Variants in KIF22 observed in about 807,000 individuals in gnomAD.
KIF22 encodes kinesin family member 22, also known as kinesin-like protein KIF22.
Under a neutral mutation model 73.0 loss-of-function variants are expected in KIF22, and 62 were observed. The ratio of observed to expected loss-of-function variants is 0.85; its 90% confidence interval spans 0.69 to 1.05. KIF22 has a LOEUF of 1.05. Ranked by LOEUF, KIF22 falls within the 50% of genes least tolerant of loss-of-function variation. The pLI is 0.00. For missense variants in KIF22, 854 were observed against 870.1 expected (o/e 0.98, Z 0.23); for synonymous variants, 411 against 340.1 (o/e 1.21, Z -2.29).
At chr16:29,791,203 G>A (rs2142362859) in intron 1 of KIF22, 1 of 1,097,466 alleles carries the variant, frequency 9.1e-7, no homozygotes, top group African/African-American at 1.7e-5. Context: ...CCACGAGGAC[G>A]AGAAGAAGGG....
chr16:29,800,088 A>G (rs760312947), intron 8 of KIF22, 40 bp downstream of exon 8: 1 of 1,577,656 alleles, frequency 6.3e-7, no homozygotes, highest in Non-Finnish European at 8.6e-7. Context: ...TTCCTGATGT[A>G]TGGCTTAGCA....
At chr16:29,803,392 C>T in intron 9 of KIF22, 57 bp from the exon 10 acceptor site, 4 of 1,601,550 alleles carry the variant, frequency 2.5e-6, no homozygotes, top group Non-Finnish European at 3.4e-6. Flanking sequence ...TAACCCACTC[C>T]CTTCAGGCTG....
chr16:29,791,748 T>G (rs1343048646), intron 1 of KIF22, among the ~76,000 whole-genome samples: 1 of 152,236 alleles, frequency 6.6e-6, no homozygotes, highest in Non-Finnish European at 1.5e-5. Context: ...TTAACACAAC[T>G]AGTAAATATT....
Position 29,798,258 on chromosome 16 carries a change from C to T in KIF22, c.267-116C>T, listed in dbSNP as rs2142371731. ...AGGGGATAGAGACGTTCTCTTAAAT[C>T]CAAGGTCCAGATGAGAGTAGAATCC... On this transcript the variant is annotated intron_variant, in intron 2 of 13. Coordinates refer to ENST00000160827, the MANE Select transcript of KIF22 (RefSeq NM_007317.3). This position sits in a 1 kb window ranked among gnomAD's most constrained non-coding sequence, Gnocchi z 4.1. 1 of 1,502,312 alleles carries T rather than the reference C, an allele frequency of 6.7e-7. No individual in the cohort carries two copies. Among genetic ancestry groups the T allele is most frequent in the Non-Finnish European group, 8.8e-7 (1 of 1,132,208 alleles). 93.1% of individuals were successfully genotyped at this position (1,502,312 alleles called of 1,614,324 possible).
rs766609372 is a variant in KIF22 at position 29,799,384 on chromosome 16, A to T, written c.880A>T (p.Ser294Cys). The T allele has an allele frequency of 6.2e-7, 1 of 1,614,062 alleles. No homozygotes were observed. The highest frequency in any genetic ancestry group is 8.5e-7 in the Non-Finnish European group (1 of 1,180,030). Residue 294 changes from serine to cysteine, a missense_variant, in exon 6 of 14, where the codon AGT becomes TGT. By Grantham distance (112) the Ser-to-Cys change is moderately radical. Coordinates refer to ENST00000160827, the MANE Select transcript of KIF22 (RefSeq NM_007317.3). The stretch of plus-strand genomic sequence containing the variant: ...CAACAAGGGCCTTCGGCTAAAAGAG[A>T]GTGGAGCCATCAACACCTCCCTGTT... The part of the protein sequence containing the change: ...TGNKGLRLKE[S>C]GAINTSLFVL...
chr16:29,797,963 T>C lies in KIF22; in HGVS notation c.267-411T>C, dbSNP rs1898995141. Among the ~76,000 whole-genome samples, 1 of 152,242 alleles carries C rather than the reference T, an allele frequency of 6.6e-6. No homozygotes were observed. The highest frequency in any genetic ancestry group is 2.1e-4 in the South Asian group (1 of 4,830). On this transcript the variant is annotated intron_variant, in intron 2 of 13. Transcript: ENST00000160827. The surrounding 1 kb of genome is among the most constrained non-coding windows in gnomAD (Gnocchi z 4.1). ...ACACATGTAGCCATTTGAAAAAGACTGGGAAGCCTTGCTTTTTTGCTATTC... is the reference window on the plus strand; with the variant it reads ...ACACATGTAGCCATTTGAAAAAGACCGGGAAGCCTTGCTTTTTTGCTATTC...
chr16:29,795,273 G>A (rs898146467), intron 1 of KIF22, among the ~76,000 whole-genome samples: 10 of 152,176 alleles, frequency 6.6e-5, no homozygotes, highest in Admixed American at 3.3e-4. Context: ...CTACCATAAC[G>A]TGAGAAATGG....
At chr16:29,803,720 C>A in intron 10 of KIF22, 112 bp downstream of exon 10, 1 of 947,710 alleles carries the variant, frequency 1.1e-6, no homozygotes, top group South Asian at 1.6e-5. Flanking sequence ...ACATACCAGT[C>A]CCAGGGAGGG....
Position 29,797,112 on chromosome 16 carries a change from C to T in KIF22, c.266+24C>T, listed in dbSNP as rs1567357677. 6.6e-7 allele frequency: 1 copy of T among 1,518,114 alleles called. No homozygotes were observed. The highest frequency in any genetic ancestry group is 8.9e-7 in the Non-Finnish European group (1 of 1,123,544). The allele number at this position is 1,518,114 out of a possible 1,614,324, so 94.0% of individuals were successfully genotyped here. On this transcript the variant is annotated intron_variant, in intron 2 of 13. Transcript: ENST00000160827. The surrounding 1 kb of genome is among the most constrained non-coding windows in gnomAD (Gnocchi z 4.1). ...CAGTAAGGTTCAGGCCACTCCTCTT[C>T]CCTCATGCCATCACCTCCCTCTCCT...
Position 29,803,360 on chromosome 16 carries a change from G to A in KIF22, c.1450-89G>A, listed in dbSNP as rs1317202383. The A allele has an allele frequency of 4.0e-6, 6 of 1,513,224 alleles. No homozygotes were observed. The African/African-American group carries it at 8.3e-5, about 21-fold the overall frequency. 93.7% of individuals were successfully genotyped at this position (1,513,224 alleles called of 1,614,324 possible). The stretch of plus-strand genomic sequence containing the variant: ...CCTAGCCCTGCCCTCTGGGGGCTCA[G>A]AGCCTTGCATACTCACCCTGGTAAC... On this transcript the variant is annotated intron_variant, in intron 9 of 13. Transcript: ENST00000160827.
At chr16:29,804,293 C>G (rs1899260034) in intron 11 of KIF22, 2 of 607,964 alleles carry the variant, frequency 3.3e-6, no homozygotes, top group African/African-American at 3.7e-5. Flanking sequence ...GGATGTTCCA[C>G]TGTGTAGCCT....
At chr16:29,803,222 G>T (rs1002757260) in intron 9 of KIF22, among the ~76,000 whole-genome samples, 1 of 152,172 alleles carries the variant, frequency 6.6e-6, no homozygotes, top group African/African-American at 2.4e-5. Flanking sequence ...TGCTTGAAAA[G>T]CCTTTCCCTT....
In KIF22 at chr16:29,804,003, G is replaced by C; in HGVS notation, c.1615G>C (p.Glu539Gln). 4 of 1,609,578 alleles carry C rather than the reference G, an allele frequency of 2.5e-6. No individual in the cohort carries two copies. Among genetic ancestry groups the C allele is most frequent in the Non-Finnish European group, 3.4e-6 (4 of 1,178,054 alleles). The change falls in exon 11 of 14, where the codon GAG (glutamate) becomes CAG (glutamine). Residue 539 changes from glutamate to glutamine, a missense_variant. Transcript: ENST00000160827. ...TTCTCGATTCCTACTTTCAGTTCAGGAGCAGGCAGCATCCCCAAATGCCGA... is the reference window on the plus strand; with the variant it reads ...TTCTCGATTCCTACTTTCAGTTCAGCAGCAGGCAGCATCCCCAAATGCCGA... ...AVVMPLQLIQEQAASPNAEIH... is the reference protein window; with the variant it reads ...AVVMPLQLIQQQAASPNAEIH...
At chr16:29,794,085 G>A (rs1158028271) in intron 1 of KIF22, among the ~76,000 whole-genome samples, 2 of 152,142 alleles carry the variant, frequency 1.3e-5, no homozygotes, top group Non-Finnish European at 2.9e-5. Flanking sequence ...CAGGCACTGT[G>A]CTAAACATTG....
chr16:29,803,790 G>C (rs900835068), intron 10 of KIF22, among the ~76,000 whole-genome samples, 182 bp downstream of exon 10: 1 of 152,190 alleles, frequency 6.6e-6, no homozygotes, highest in Non-Finnish European at 1.5e-5. Context: ...AGGACAGTGG[G>C]ATGGACAAAC....
chr16:29,803,998 T>C lies in KIF22; in HGVS notation c.1610T>C (p.Ile537Thr), dbSNP rs764710279. 4 of 1,613,292 alleles carry C rather than the reference T, an allele frequency of 2.5e-6. No individual in the cohort carries two copies. The East Asian group carries it at 8.9e-5, about 36-fold the overall frequency. ...KKAVVMPLQL[I>T]QEQAASPNAE... ...TCCAATTCTCGATTCCTACTTTCAG[T>C]TCAGGAGCAGGCAGCATCCCCAAAT... The change falls in exon 11 of 14, where the codon ATT becomes ACT. Residue 537 changes from isoleucine (I) to threonine (T), a missense_variant and splice_region_variant. Physicochemically the swap from Ile to Thr is moderately conservative, Grantham distance 89. Transcript: ENST00000160827.
chr16:29,798,095 G>A lies in KIF22; in HGVS notation c.267-279G>A, dbSNP rs978674821. Among the ~76,000 whole-genome samples, 1 of 152,158 alleles carries A rather than the reference G, an allele frequency of 6.6e-6. No homozygotes were observed. The highest frequency in any genetic ancestry group is 2.4e-5 in the African/African-American group (1 of 41,430). ...TCTTCGTTTCCTAAATCACAGCAAA[G>A]TGTGGATATCTATCCTACCAGACTG... is the stretch of plus-strand genomic sequence containing the variant. On this transcript the variant is annotated intron_variant, in intron 2 of 13. Coordinates refer to ENST00000160827, the MANE Select transcript of KIF22 (RefSeq NM_007317.3). The surrounding 1 kb of genome is among the most constrained non-coding windows in gnomAD (Gnocchi z 4.1).
Position 29,797,176 on chromosome 16 carries a change from C to G in KIF22, c.266+88C>G. The G allele has an allele frequency of 1.0e-6, 1 of 999,136 alleles. No individual in the cohort carries two copies. Among genetic ancestry groups the G allele is most frequent in the East Asian group, 2.5e-5 (1 of 39,550 alleles). 61.9% of individuals were successfully genotyped at this position (999,136 alleles called of 1,614,324 possible). A position where few individuals can be genotyped will look rare whatever the true frequency, so the allele number is the denominator to read the frequency against. On this transcript the variant is annotated intron_variant, in intron 2 of 13. Coordinates refer to ENST00000160827, the MANE Select transcript of KIF22 (RefSeq NM_007317.3). The surrounding 1 kb of genome is among the most constrained non-coding windows in gnomAD (Gnocchi z 4.1). Reference sequence around the variant, plus strand: ...TTCCCCTGCCTCCCCAGGATCCTTGCTCCCTCCTTAGCACCGCTTTGTTCC... The same window carrying G: ...TTCCCCTGCCTCCCCAGGATCCTTGGTCCCTCCTTAGCACCGCTTTGTTCC...
intron 1 of KIF22, among the ~76,000 whole-genome samples, chr16:29,791,711 A>G (rs1898822090): frequency 6.6e-6 from 1 of 152,240 alleles, no homozygotes; most frequent in African/African-American, 2.4e-5. Flanking sequence ...TGTTTTACAC[A>G]GGAAACTGAG....
Sources: gnomAD v4.1 joint callset for allele counts (sites outside exome capture counted in the v4.1 genomes callset) on GRCh38, gnomAD v4.1.1 for gene constraint, Gnocchi (gnomAD v3.1) non-coding constraint, MANE v1.5 for transcripts, NCBI Gene and HGNC (gene_info 2026-07-23, HGNC 2026-07-21) for gene names.